The following NRXN1 variants were observed in gnomAD, a reference collection of about 807,000 sequenced individuals.
The protein encoded by NRXN1 is neurexin-1.
Under a neutral mutation model 150.9 loss-of-function variants are expected in NRXN1, and 39 were observed. That is an observed-to-expected ratio of 0.26 (90% CI 0.20 to 0.34). The LOEUF (loss-of-function observed/expected upper bound fraction) is 0.34, where lower values mean the gene tolerates loss of function less well. Ranked by LOEUF, NRXN1 falls within the 10% of genes least tolerant of loss-of-function variation. The pLI is 1.00. For synonymous variants in NRXN1, 924 were observed against 757.0 expected, an observed-to-expected ratio of 1.22 and a Z score of -3.62; for missense variants, 1,815 against 1,949.9, an observed-to-expected ratio of 0.93 and a Z score of 1.30.
intron 5 of NRXN1, among the ~76,000 whole-genome samples, chr2:50,704,013 T>C (rs1198984610): frequency 6.6e-6 from 1 of 152,112 alleles, no homozygotes; most frequent in Non-Finnish European, 1.5e-5. Flanking sequence ...GCTCTGAGTT[T>C]AACTTACATC....
chr2:50,812,644 T>A (rs1323486485), intron 5 of NRXN1, among the ~76,000 whole-genome samples: 2 of 151,542 alleles, frequency 1.3e-5, no homozygotes, highest in Non-Finnish European at 2.9e-5. Flanking sequence ...TATACTTTCA[T>A]TTGGCTATAT....
At chr2:50,255,141 A>C (rs1241308025) in intron 17 of NRXN1, among the ~76,000 whole-genome samples, 6 of 151,836 alleles carry the variant, frequency 4.0e-5, no homozygotes, top group Admixed American at 3.9e-4. Flanking sequence ...GGTTATAAAA[A>C]ACAAACAAAC....
At chr2:50,341,022 T>C (rs2077513545) in intron 17 of NRXN1, among the ~76,000 whole-genome samples, 1 of 152,186 alleles carries the variant, frequency 6.6e-6, no homozygotes, top group Non-Finnish European at 1.5e-5. Context: ...TCATACAGTA[T>C]ACAGGTGAGA....
intron 5 of NRXN1, among the ~76,000 whole-genome samples, chr2:50,639,520 C>T (rs894459945): frequency 1.3e-5 from 2 of 151,926 alleles, no homozygotes; most frequent in African/African-American, 4.8e-5. Context: ...CATGCCCGGA[C>T]ACTTTTCTGC....
intron 2 of NRXN1, among the ~76,000 whole-genome samples, chr2:51,020,235 C>G (rs75156056): frequency 0.036 from 5,511 of 151,724 alleles, 318 homozygotes; most frequent in African/African-American, 0.13. Context: ...CCTCTATCAT[C>G]ATAGATTAGT....
intron 18 of NRXN1, among the ~76,000 whole-genome samples, chr2:50,123,796 T>G (rs1428329202): frequency 2.0e-5 from 3 of 152,192 alleles, no homozygotes; most frequent in Non-Finnish European, 4.4e-5. Context: ...TTCAAGGTTT[T>G]TGGAAAAGGC....
At chr2:50,572,620 G>A (rs938781273) in intron 8 of NRXN1, among the ~76,000 whole-genome samples, 2 of 152,100 alleles carry the variant, frequency 1.3e-5, no homozygotes, top group African/African-American at 4.8e-5. Context: ...GATATCAAAA[G>A]TTAGGTAACT....
intron 18 of NRXN1, among the ~76,000 whole-genome samples, chr2:50,205,841 A>C (rs1044030523): frequency 2.0e-5 from 3 of 152,080 alleles, no homozygotes; most frequent in African/African-American, 7.2e-5. Flanking sequence ...CAAATGAAAA[A>C]AGCCTAGTCA....
At chr2:50,262,831 T>A (rs993202592) in intron 17 of NRXN1, among the ~76,000 whole-genome samples, 1 of 152,020 alleles carries the variant, frequency 6.6e-6, no homozygotes, top group Non-Finnish European at 1.5e-5. Flanking sequence ...CATTGTAAGA[T>A]AATCCTGCCA....
chr2:50,354,710 G>A lies in NRXN1; in HGVS notation c.3364+110732C>T, dbSNP rs1411625911. Among the ~76,000 whole-genome samples the A allele has an allele frequency of 2.6e-5, 4 of 151,152 alleles. No individual in the cohort carries two copies. The East Asian group carries it at 7.8e-4, about 29-fold the overall frequency. ...TTGTTACATATAATTCCTAATACTG[G>A]TCATCCAAATAGTCACCATAACAAA... On this transcript the variant is annotated intron_variant, in intron 17 of 22. Transcript: ENST00000401669.
chr2:50,370,577 T>G (rs761297404), intron 17 of NRXN1, among the ~76,000 whole-genome samples: 1 of 152,058 alleles, frequency 6.6e-6, no homozygotes, highest in African/African-American at 2.4e-5. Flanking sequence ...TGAGGGTTCA[T>G]GTCCTTTGCA....
chr2:50,798,656 T>G (rs2105669538), intron 5 of NRXN1, among the ~76,000 whole-genome samples: 1 of 152,264 alleles, frequency 6.6e-6, no homozygotes, highest in South Asian at 2.1e-4. Context: ...GATATTTCTG[T>G]ACAAATGGGT....
intron 18 of NRXN1, among the ~76,000 whole-genome samples, chr2:50,201,514 G>C (rs1237567228): frequency 1.3e-5 from 2 of 152,110 alleles, no homozygotes; most frequent in Non-Finnish European, 2.9e-5. Flanking sequence ...TAATGCATTA[G>C]TACTGTTCTA....
chr2:50,988,249 AT>A (rs1238428321), intron 2 of NRXN1, among the ~76,000 whole-genome samples: 1 of 151,882 alleles, frequency 6.6e-6, no homozygotes, highest in Non-Finnish European at 1.5e-5. Context: ...AAACCAGATC[AT>A]TTTCTTTTTA....
chr2:50,920,825 A>C (rs1685922210), intron 5 of NRXN1, among the ~76,000 whole-genome samples: 1 of 151,834 alleles, frequency 6.6e-6, no homozygotes, highest in Non-Finnish European at 1.5e-5. Flanking sequence ...TTGTTGGATC[A>C]AAGTATTCAA....
intron 21 of NRXN1, among the ~76,000 whole-genome samples, chr2:49,981,236 G>A (rs908727428): frequency 3.9e-5 from 6 of 152,004 alleles, no homozygotes; most frequent in Non-Finnish European, 8.8e-5. Flanking sequence ...AGGTTAATAA[G>A]GAACTGAATC....
At chr2:50,677,798 C>T (rs1689766498) in intron 5 of NRXN1, among the ~76,000 whole-genome samples, 1 of 151,952 alleles carries the variant, frequency 6.6e-6, no homozygotes, top group African/African-American at 2.4e-5. Context: ...AGCAGGTTTC[C>T]CACCCCTCCA....
At chr2:49,994,645 A>G (rs1320239815) in intron 21 of NRXN1, among the ~76,000 whole-genome samples, 1 of 152,172 alleles carries the variant, frequency 6.6e-6, no homozygotes, top group Non-Finnish European at 1.5e-5. Flanking sequence ...TGAGGGAACT[A>G]CTTCAAGGAA....
chr2:50,187,595 A>G (rs191901089), intron 18 of NRXN1, among the ~76,000 whole-genome samples: 15 of 152,178 alleles, frequency 9.9e-5, no homozygotes, highest in Non-Finnish European at 1.5e-4. Context: ...ATCCATATAA[A>G]ATTTAAAGCA....
Sources: gnomAD v4.1 joint callset for allele counts (sites outside exome capture counted in the v4.1 genomes callset) on GRCh38, gnomAD v4.1.1 for gene constraint, MANE v1.5 for transcripts, NCBI Gene and HGNC (gene_info 2026-07-23, HGNC 2026-07-21) for gene names.